The following COX5A variants were observed in gnomAD, a reference collection of about 807,000 sequenced individuals.
COX5A encodes the protein cytochrome c oxidase subunit 5A, mitochondrial.
COX5A carries 6 observed loss-of-function variants against 16.1 expected under a neutral mutation model. That is an observed-to-expected ratio of 0.37 (90% CI 0.20 to 0.73). COX5A has a LOEUF of 0.73. COX5A is among the 30% of genes least tolerant of loss of function. The pLI is 0.50. For synonymous variants in COX5A, 73 were observed against 73.8 expected (o/e 0.99, Z 0.06); for missense variants, 159 against 194.9 (o/e 0.82, Z 1.10).
intron 2 of COX5A, 73 bp downstream of exon 2, chr15:74,929,043 G>T: frequency 9.6e-7 from 1 of 1,046,912 alleles, no homozygotes; most frequent in Non-Finnish European, 1.5e-6. Context: ...CGAAACAGTT[G>T]CTCTCAATAA....
intron 3 of COX5A, among the ~76,000 whole-genome samples, chr15:74,924,843 A>G (rs2065336432): frequency 6.6e-6 from 1 of 152,228 alleles, no homozygotes. Context: ...CATTATAGAT[A>G]AAGTAATGTC....
chr15:74,937,975 T>A lies in COX5A; in HGVS notation c.40A>T (p.Thr14Ser). ...AALRRCAVAA[T>S]TRADPRGLLH... ...AGGCCTCGAGGGTCGGCCCGGGTGG[T>A]TGCGGCCACAGCGCAGCGGCGGAGA... is the stretch of plus-strand genomic sequence containing the variant. The change falls in exon 1 of 5, where the codon ACC becomes TCC. Residue 14 changes from threonine to serine, a missense_variant. Transcript: ENST00000322347. The A allele has an allele frequency of 8.1e-7, 1 of 1,232,754 alleles. No homozygotes were observed. The highest frequency in any genetic ancestry group is 1.0e-6 in the Non-Finnish European group (1 of 988,160). The allele number at this position is 1,232,754 out of a possible 1,614,324, so 76.4% of individuals were successfully genotyped here.
In COX5A at chr15:74,938,021, G is replaced by T; in HGVS notation, c.-7C>A. ...GGAGAGCGGCGCCCAGCATGACGGC[G>T]ATGGCGGCGCGCGGGCTGAGGACAG... On this transcript the variant is annotated 5_prime_UTR_variant, in exon 1 of 5. Coordinates refer to ENST00000322347, the MANE Select transcript of COX5A (RefSeq NM_004255.4). 1 of 1,230,388 alleles carries T rather than the reference G, an allele frequency of 8.1e-7. No homozygotes were observed. The highest frequency in any genetic ancestry group is 4.1e-5 in the South Asian group (1 of 24,350). 76.2% of individuals were successfully genotyped at this position (1,230,388 alleles called of 1,614,324 possible).
At chr15:74,921,426 A>G (rs894409909) in intron 4 of COX5A, among the ~76,000 whole-genome samples, 1 of 138,102 alleles carries the variant, frequency 7.2e-6, no homozygotes, top group African/African-American at 2.7e-5. Context: ...AAAAAAAAAA[A>G]GAAAAAGAAT....
intron 1 of COX5A, among the ~76,000 whole-genome samples, chr15:74,930,471 C>CAA (rs137868871): frequency 0.012 from 1,593 of 137,466 alleles, 32 homozygotes; most frequent in Admixed American, 0.055. Flanking sequence ...AAAAAAGCAA[C>CAA]AAAAAAAAAA....
chr15:74,920,548 G>A, intron 4 of COX5A, 106 bp from the exon 5 acceptor site: 1 of 635,306 alleles, frequency 1.6e-6, no homozygotes. Context: ...CTGTCTCTCT[G>A]TACCCTTTAC....
intron 1 of COX5A, among the ~76,000 whole-genome samples, chr15:74,936,107 A>G (rs2065388790): frequency 6.6e-6 from 1 of 151,996 alleles, no homozygotes; most frequent in Non-Finnish European, 1.5e-5. Context: ...CATGGCCAAC[A>G]TGGTGAAACC....
At position 74,928,422 on chromosome 15, in the gene COX5A, T is replaced by C. The variant is rs551016364; in HGVS notation, c.217+694A>G. 3.9e-5 allele frequency among the ~76,000 whole-genome samples: 6 copies of C among 152,236 alleles called. No individual in the cohort carries two copies. The South Asian group carries it at 8.3e-4, about 21-fold the overall frequency. On this transcript the variant is annotated intron_variant, in intron 2 of 4. Transcript: ENST00000322347. ...TTTTCTGAGACAGAGTCTCACTCTG[T>C]TGCCCAGGCTGGAGTGCAGTGGCGC...
intron 3 of COX5A, among the ~76,000 whole-genome samples, chr15:74,925,284 C>T (rs1353984754): frequency 3.3e-5 from 5 of 151,722 alleles, no homozygotes; most frequent in African/African-American, 4.8e-5. Context: ...CCAGCTTGGG[C>T]GACAGAGTGA....
chr15:74,930,294 T>C (rs1392133157), intron 1 of COX5A, among the ~76,000 whole-genome samples: 1 of 151,362 alleles, frequency 6.6e-6, no homozygotes, highest in Non-Finnish European at 1.5e-5. Context: ...GGCGCGTGCC[T>C]GTAGTCCCAG....
chr15:74,936,875 C>T (rs1260774750), intron 1 of COX5A, among the ~76,000 whole-genome samples: 1 of 151,940 alleles, frequency 6.6e-6, no homozygotes, highest in Non-Finnish European at 1.5e-5. Flanking sequence ...GTGATCCGCC[C>T]GCCTCGGCCT....
chr15:74,921,978 A>C (rs1294259612), intron 4 of COX5A, among the ~76,000 whole-genome samples: 1 of 152,108 alleles, frequency 6.6e-6, no homozygotes, highest in Non-Finnish European at 1.5e-5. Flanking sequence ...ACTTGAGCCC[A>C]GGAGTTCAAG....
Position 74,928,447 on chromosome 15 carries a change from C to T in COX5A, c.217+669G>A, listed in dbSNP as rs539683447. Among the ~76,000 whole-genome samples, 274 of 151,908 alleles carry T rather than the reference C, an allele frequency of 1.8e-3. 1 individual carries two copies. Among genetic ancestry groups the T allele is most frequent in the African/African-American group, 6.2e-3 (256 of 41,434 alleles). The stretch of plus-strand genomic sequence containing the variant: ...TTGCCCAGGCTGGAGTGCAGTGGCG[C>T]GATCTCGGCTCACTGCAAGCTCTGC... On this transcript the variant is annotated intron_variant, in intron 2 of 4. Transcript: ENST00000322347.
At chr15:74,930,536 G>A (rs961557724) in intron 1 of COX5A, among the ~76,000 whole-genome samples, 2 of 149,018 alleles carry the variant, frequency 1.3e-5, no homozygotes, top group African/African-American at 4.9e-5. Flanking sequence ...ACAGGCTCTC[G>A]CTCTGTTGTT....
intron 3 of COX5A, among the ~76,000 whole-genome samples, chr15:74,926,010 C>T (rs1300976117): frequency 6.7e-6 from 1 of 149,514 alleles, no homozygotes; most frequent in Non-Finnish European, 1.5e-5. Flanking sequence ...GGATTACAGG[C>T]ATGTGCCACC....
intron 2 of COX5A, among the ~76,000 whole-genome samples, chr15:74,928,204 G>T (rs1194773358): frequency 2.0e-5 from 3 of 152,096 alleles, no homozygotes. Context: ...TGAATTTTTG[G>T]TATGAGATAA....
chr15:74,931,873 G>A (rs1208875804), intron 1 of COX5A, among the ~76,000 whole-genome samples: 2 of 152,030 alleles, frequency 1.3e-5, no homozygotes, highest in Admixed American at 6.6e-5. Flanking sequence ...CTTTCTTCTT[G>A]TCAAATGGAC....
chr15:74,927,136 GT>G (rs1032441257), intron 2 of COX5A, among the ~76,000 whole-genome samples: 31 of 149,734 alleles, frequency 2.1e-4, no homozygotes, highest in South Asian at 1.1e-3. Flanking sequence ...AAAATCCTGA[GT>G]TTTTTTTTTC....
intron 2 of COX5A, among the ~76,000 whole-genome samples, chr15:74,928,053 G>GAA (rs1382258905): frequency 1.3e-5 from 2 of 152,260 alleles, no homozygotes; most frequent in Admixed American, 1.3e-4. Context: ...ACTCCAGATT[G>GAA]TTCAGTAAGA....
Sources: allele counts gnomAD v4.1 joint callset (sites outside exome capture counted in the v4.1 genomes callset), GRCh38; gene constraint gnomAD v4.1.1; transcripts MANE v1.5; gene names NCBI Gene and HGNC (gene_info 2026-07-23, HGNC 2026-07-21).